SGK2: variants seen among roughly 807,000 people sequenced by gnomAD.
SGK2 encodes the protein serum/glucocorticoid regulated kinase 2.
A neutral mutation model predicts 47.5 loss-of-function variants in SGK2; 36 were observed. The observed-to-expected ratio is 0.76, with a 90% CI of 0.58 to 1.00. SGK2 has a LOEUF of 1.00. SGK2 is among the 50% of genes least tolerant of loss of function. The pLI, the probability that SGK2 is intolerant of heterozygous loss-of-function variation, is 0.00. For synonymous variants in SGK2, 157 were observed against 181.9 expected (o/e 0.86, Z 1.10); for missense variants, 404 against 467.4 (o/e 0.86, Z 1.25).
In SGK2 at chr20:43,567,110, A is replaced by G; in HGVS notation, c.79A>G (p.Asn27Asp). The G allele has an allele frequency of 6.2e-7, 1 of 1,614,052 alleles. No homozygotes were observed. The highest frequency in any genetic ancestry group is 1.1e-5 in the South Asian group (1 of 91,078). ...NGNINLGPSA[N>D]PNAQPTDFDF... ...GAACATCAACCTGGGGCCTTCAGCC[A>G]ACCCAAAGTGAGTTCTGGTCCCTCA... The change falls in exon 3 of 13, where the codon AAC becomes GAC. Residue 27 changes from asparagine to aspartate, a missense_variant. Coordinates refer to ENST00000373100, the MANE Select transcript of SGK2 (RefSeq NM_170693.3).
At chr20:43,581,703 A>G (rs1167379977) in intron 12 of SGK2, among the ~76,000 whole-genome samples, 5 of 152,094 alleles carry the variant, frequency 3.3e-5, no homozygotes, top group Admixed American at 3.3e-4. Flanking sequence ...TAATTTTTGC[A>G]TTTTCAGTAG....
Position 43,572,144 on chromosome 20 carries a change from G to A in SGK2, c.597+7G>A, listed in dbSNP as rs988201935. 1.1e-5 allele frequency: 17 copies of A among 1,543,086 alleles called. 1 individual carries two copies. The Admixed American group carries it at 1.4e-4, about 12-fold the overall frequency. ...ATTCTGTGGTACCCCTGAGGTAAGC[G>A]TAAACATCCCAGGAGAGGGGAGGTC... On this transcript the variant is annotated splice_region_variant and intron_variant, in intron 9 of 12. Coordinates refer to ENST00000373100, the MANE Select transcript of SGK2 (RefSeq NM_170693.3). The surrounding 1 kb of genome is among the most constrained non-coding windows in gnomAD (Gnocchi z 4.2).
chr20:43,566,415 G>A, intron 1 of SGK2, 58 bp from the exon 2 acceptor site: 6 of 1,614,122 alleles, frequency 3.7e-6, no homozygotes, highest in Non-Finnish European at 4.2e-6. Context: ...GCCCTGGATG[G>A]GCGGAGCTGA....
At chr20:43,582,258 A>G (rs1285064956) in intron 12 of SGK2, among the ~76,000 whole-genome samples, 3 of 151,868 alleles carry the variant, frequency 2.0e-5, no homozygotes, top group South Asian at 2.1e-4. Context: ...ATGTTTTTCT[A>G]TGTAGCCCAG....
In SGK2 at chr20:43,566,323, G is replaced by A. The variant is rs371019652; in HGVS notation, c.-23-150G>A. 1.2e-4 allele frequency: 198 copies of A among 1,610,778 alleles called. No individual in the cohort carries two copies. The highest frequency in any genetic ancestry group is 2.5e-4 in the Admixed American group (15 of 59,802). On this transcript the variant is annotated intron_variant, in intron 1 of 12. Transcript: ENST00000373100. ...TCATTTCTTGTTCCATCCATGCAGG[G>A]GTTGCTTACCTCGGGTAGGAAACCC...
intron 11 of SGK2, among the ~76,000 whole-genome samples, chr20:43,576,959 A>G (rs934919474): frequency 6.6e-6 from 1 of 152,296 alleles, no homozygotes; most frequent in African/African-American, 2.4e-5. Context: ...AAAAACAAAA[A>G]AAGTTTGGGA....
chr20:43,566,976 A>G (rs983823283), intron 2 of SGK2, 92 bp from the exon 3 acceptor site: 14 of 996,272 alleles, frequency 1.4e-5, no homozygotes, highest in Non-Finnish European at 2.0e-5. Context: ...GGCCTAGTAG[A>G]GTTGTTGGAG....
In SGK2 at chr20:43,562,539, G is replaced by A. The variant is rs897272343; in HGVS notation, c.-24+3380G>A. Among the ~76,000 whole-genome samples the A allele has an allele frequency of 1.7e-4, 26 of 150,350 alleles. 1 individual carries two copies. In the South Asian group the frequency reaches 3.8e-3, roughly 22 times the overall value. ...GTGGATCACATGAGGTCAGGAGTTC[G>A]AGACCAGCCTGGCCAACATGGTGAA... On this transcript the variant is annotated intron_variant, in intron 1 of 12. Transcript: ENST00000373100.
chr20:43,580,449 C>T (rs1980721697), intron 12 of SGK2, among the ~76,000 whole-genome samples: 1 of 152,006 alleles, frequency 6.6e-6, no homozygotes, highest in South Asian at 2.1e-4. Context: ...AAACACTGGC[C>T]AGGCACAGTG....
At chr20:43,582,346 C>T (rs1012237830) in intron 12 of SGK2, among the ~76,000 whole-genome samples, 8 of 152,056 alleles carry the variant, frequency 5.3e-5, no homozygotes, top group African/African-American at 1.4e-4. Flanking sequence ...TGTGAGCCAC[C>T]ACACCTGGCC....
chr20:43,583,494 G>A (rs1980921441), intron 12 of SGK2: 1 of 1,154,496 alleles, frequency 8.7e-7, no homozygotes, highest in African/African-American at 1.6e-5. Flanking sequence ...TAGCCTTATT[G>A]AGAAGCTAGA....
At chr20:43,571,981 T>C in intron 8 of SGK2, 70 bp from the exon 9 acceptor site, 2 of 1,143,400 alleles carry the variant, frequency 1.7e-6, no homozygotes, top group South Asian at 2.7e-5. Context: ...GCATCTGGGC[T>C]TTGGGGGTTA....
chr20:43,560,931 A>G (rs779311831), intron 1 of SGK2, among the ~76,000 whole-genome samples: 4 of 152,256 alleles, frequency 2.6e-5, no homozygotes, highest in Non-Finnish European at 4.4e-5. Flanking sequence ...AATAAAAACT[A>G]ATAAATACGT....
Position 43,567,741 on chromosome 20 carries a change from G to A in SGK2, c.144+19G>A. On this transcript the variant is annotated intron_variant, in intron 4 of 12. Coordinates refer to ENST00000373100, the MANE Select transcript of SGK2 (RefSeq NM_170693.3). ...CGGGAAGGTGAGTGACTTGGTGAGG[G>A]TGGGAAGCCTGGGTCTTCCCTTCTG... 2 of 1,613,620 alleles carry A rather than the reference G, an allele frequency of 1.2e-6. No individual in the cohort carries two copies. Among genetic ancestry groups the A allele is most frequent in the South Asian group, 2.2e-5 (2 of 91,054 alleles).
At chr20:43,584,337 C>G (rs1385757932) in intron 12 of SGK2, among the ~76,000 whole-genome samples, 3 of 152,174 alleles carry the variant, frequency 2.0e-5, no homozygotes, top group Admixed American at 6.6e-5. Flanking sequence ...GAGAAATAGA[C>G]TCCACCTCTA....
chr20:43,563,479 T>C (rs1381222060), intron 1 of SGK2, among the ~76,000 whole-genome samples: 3 of 152,166 alleles, frequency 2.0e-5, no homozygotes, highest in Admixed American at 1.3e-4. Flanking sequence ...CACGGTTTCA[T>C]TGAAGTGTTG....
At chr20:43,563,355 C>A (rs1979504172) in intron 1 of SGK2, among the ~76,000 whole-genome samples, 1 of 152,056 alleles carries the variant, frequency 6.6e-6, no homozygotes, top group Non-Finnish European at 1.5e-5. Context: ...GAAGGAAAAC[C>A]AAGAGTTCCT....
At chr20:43,584,773 C>A in intron 12 of SGK2, 79 bp from the exon 13 acceptor site, 2 of 1,162,770 alleles carry the variant, frequency 1.7e-6, no homozygotes, top group Non-Finnish European at 1.3e-6. Flanking sequence ...AGAGGCCTGA[C>A]ATCCCTCTCT....
At position 43,571,072 on chromosome 20, in the gene SGK2, T is replaced by G. The variant is rs56944231; in HGVS notation, c.510+12T>G. ...TCTTGGACTGCCAGGTTGGTGTGTG[T>G]GTGTGTGTGTGTGTGTGTGTGTGTG... On this transcript the variant is annotated intron_variant, in intron 8 of 12. Coordinates refer to ENST00000373100, the MANE Select transcript of SGK2 (RefSeq NM_170693.3). 1,783 of 986,036 alleles carry G rather than the reference T, an allele frequency of 1.8e-3. 7 individuals carry two copies. Among genetic ancestry groups the G allele is most frequent in the Middle Eastern group, 4.3e-3 (12 of 2,766 alleles). The allele number at this position is 986,036 out of a possible 1,614,324, so 61.1% of individuals were successfully genotyped here.
Sources: allele counts gnomAD v4.1 joint callset (sites outside exome capture counted in the v4.1 genomes callset), GRCh38; gene constraint gnomAD v4.1.1; non-coding constraint Gnocchi (gnomAD v3.1); transcripts MANE v1.5; gene names NCBI Gene and HGNC (gene_info 2026-07-23, HGNC 2026-07-21).